The following RIMBP2 variants were observed in gnomAD, a reference collection of about 807,000 sequenced individuals.
The protein encoded by RIMBP2 is RIMS binding protein 2, also known as RIMS-binding protein 2.
A neutral mutation model predicts 118.6 loss-of-function variants in RIMBP2; 48 were observed. That is an observed-to-expected ratio of 0.40 (90% confidence interval 0.32 to 0.51). The LOEUF is 0.51. Ranked by LOEUF, RIMBP2 falls within the 20% of genes least tolerant of loss-of-function variation. The pLI, the probability that RIMBP2 is intolerant of heterozygous loss-of-function variation, is 0.41. For synonymous variants in RIMBP2, 762 were observed against 742.9 expected (o/e 1.03, Z -0.42); for missense variants, 1,551 against 1,768.3 (o/e 0.88, Z 2.20).
intron 2 of RIMBP2, among the ~76,000 whole-genome samples, chr12:130,533,558 G>A (rs1392663281): frequency 6.6e-6 from 1 of 152,114 alleles, no homozygotes; most frequent in Non-Finnish European, 1.5e-5. Context: ...TCCACTACTG[G>A]TATCCACCCA....
intron 19 of RIMBP2, among the ~76,000 whole-genome samples, chr12:130,411,936 T>C (rs1484678746): frequency 6.6e-6 from 1 of 152,212 alleles, no homozygotes. Flanking sequence ...TTTTGAAGTA[T>C]TAAACCTTAA....
intron 5 of RIMBP2, among the ~76,000 whole-genome samples, chr12:130,471,165 G>C (rs912771545): frequency 6.6e-6 from 1 of 152,230 alleles, no homozygotes; most frequent in Non-Finnish European, 1.5e-5. Flanking sequence ...GCTGGGTCCT[G>C]AGCATGCAAC....
intron 4 of RIMBP2, among the ~76,000 whole-genome samples, chr12:130,480,416 C>T (rs1441842909): frequency 6.6e-6 from 1 of 152,202 alleles, no homozygotes; most frequent in Non-Finnish European, 1.5e-5. Flanking sequence ...GGCCTGCCCC[C>T]CATGTCCCCT....
intron 3 of RIMBP2, among the ~76,000 whole-genome samples, chr12:130,507,490 A>C (rs1200569462): frequency 6.6e-6 from 1 of 152,172 alleles, no homozygotes; most frequent in Non-Finnish European, 1.5e-5. Context: ...TTGTCTAAAA[A>C]TTTTATCTCA....
At chr12:130,667,331 G>C (rs1362349219) in intron 1 of RIMBP2, 1 of 152,144 alleles carries the variant, frequency 6.6e-6, no homozygotes, top group African/African-American at 2.4e-5. Flanking sequence ...GCCCCAGCTG[G>C]AAACAGATGG....
At chr12:130,708,737 C>T (rs1488701995) in intron 1 of RIMBP2, among the ~76,000 whole-genome samples, 1 of 152,148 alleles carries the variant, frequency 6.6e-6, no homozygotes, top group Middle Eastern at 3.2e-3. Flanking sequence ...GTTATACCTG[C>T]GCCCCAGCTC....
Position 130,483,846 on chromosome 12 carries a change from C to A in RIMBP2, c.-3-4830G>T, listed in dbSNP as rs913926982. 3.4e-5 allele frequency among the ~76,000 whole-genome samples: 5 copies of A among 147,088 alleles called. No individual in the cohort carries two copies. The East Asian group carries it at 1.0e-3, about 30-fold the overall frequency. ...CGGAGCCCCGACCCTCACCTACACA[C>A]GGTGCCCGGAGCCCCCACCCTCACC... On this transcript the variant is annotated intron_variant, in intron 4 of 22. Transcript: ENST00000690449.
intron 1 of RIMBP2, among the ~76,000 whole-genome samples, chr12:130,697,185 C>T (rs1372243757): frequency 6.6e-6 from 1 of 152,192 alleles, no homozygotes; most frequent in African/African-American, 2.4e-5. Flanking sequence ...GAAAGCCATC[C>T]TGAACTAAGA....
At position 130,517,963 on chromosome 12, in the gene RIMBP2, G is replaced by C. The variant is rs977150671; in HGVS notation, c.-216-46C>G. On this transcript the variant is annotated intron_variant, in intron 2 of 22. Transcript: ENST00000690449. ...ATGTGAGATGGTGCCCCCATGTTTA[G>C]AGACTTGGTAGAGTGCAGTGGTTAG... 9.7e-6 allele frequency: 8 copies of C among 828,248 alleles called. No individual in the cohort carries two copies. The Admixed American group carries it at 2.5e-4, about 26-fold the overall frequency. 51.3% of individuals were successfully genotyped at this position (828,248 alleles called of 1,614,324 possible). A position where few individuals can be genotyped will look rare whatever the true frequency, so the allele number is the denominator to read the frequency against.
chr12:130,518,476 A>G (rs2051718351), intron 2 of RIMBP2, among the ~76,000 whole-genome samples: 1 of 152,226 alleles, frequency 6.6e-6, no homozygotes, highest in Admixed American at 6.5e-5. Context: ...TCCACATAAG[A>G]CAAGAGACAT....
chr12:130,547,980 T>C (rs190644403), intron 2 of RIMBP2, among the ~76,000 whole-genome samples: 1 of 152,200 alleles, frequency 6.6e-6, no homozygotes, highest in African/African-American at 2.4e-5. Context: ...CAGACCTCCA[T>C]GTATGGGGCT....
intron 2 of RIMBP2, among the ~76,000 whole-genome samples, chr12:130,568,454 C>T (rs1368069994): frequency 6.6e-6 from 1 of 152,254 alleles, no homozygotes; most frequent in African/African-American, 2.4e-5. Flanking sequence ...GGTATCCACA[C>T]AGGCCCTGGG....
chr12:130,544,063 GCC>G (rs2054864564), intron 2 of RIMBP2, among the ~76,000 whole-genome samples: 1 of 152,148 alleles, frequency 6.6e-6, no homozygotes, highest in South Asian at 2.1e-4. Context: ...ATCTTACATA[GCC>G]TGGAACCTAC....
chr12:130,485,662 T>C (rs2082408338), intron 4 of RIMBP2, among the ~76,000 whole-genome samples: 1 of 152,116 alleles, frequency 6.6e-6, no homozygotes, highest in Non-Finnish European at 1.5e-5. Flanking sequence ...GGGAAGGAAG[T>C]TGTTAGCGAG....
At chr12:130,697,083 A>T (rs1032153202) in intron 1 of RIMBP2, among the ~76,000 whole-genome samples, 5 of 152,222 alleles carry the variant, frequency 3.3e-5, no homozygotes, top group Non-Finnish European at 7.3e-5. Context: ...AAACAAGATG[A>T]TGGGATCAGG....
intron 2 of RIMBP2, among the ~76,000 whole-genome samples, chr12:130,579,651 C>G (rs1035191542): frequency 1.3e-5 from 2 of 152,122 alleles, no homozygotes; most frequent in Admixed American, 6.5e-5. Flanking sequence ...TAGGGACCCC[C>G]AGCACACTCC....
chr12:130,519,305 C>A (rs374375829), intron 2 of RIMBP2, among the ~76,000 whole-genome samples: 2 of 152,188 alleles, frequency 1.3e-5, no homozygotes, highest in East Asian at 3.8e-4. Flanking sequence ...GTCAACCTTC[C>A]TTTTTTCTTA....
intron 4 of RIMBP2, among the ~76,000 whole-genome samples, chr12:130,488,407 GAT>G (rs1246014188): frequency 6.6e-6 from 1 of 151,960 alleles, no homozygotes; most frequent in Non-Finnish European, 1.5e-5. Flanking sequence ...TAGGGGAAAA[GAT>G]AGCTCAGTCA....
intron 15 of RIMBP2, chr12:130,427,762 C>T (rs1376968232): frequency 6.5e-6 from 1 of 154,856 alleles, no homozygotes; most frequent in Non-Finnish European, 1.4e-5. Context: ...ATAGTGCCCT[C>T]CTTTAAGGAG....
Sources: allele counts gnomAD v4.1 joint callset (sites outside exome capture counted in the v4.1 genomes callset), GRCh38; gene constraint gnomAD v4.1.1; transcripts MANE v1.5; gene names NCBI Gene and HGNC (gene_info 2026-07-23, HGNC 2026-07-21).